Variants in TRAPPC3L observed in about 807,000 individuals in gnomAD.
TRAPPC3L encodes trafficking protein particle complex subunit 3-like protein.
Under a neutral mutation model 23.7 loss-of-function variants are expected in TRAPPC3L, and 23 were observed. The ratio of observed to expected loss-of-function variants is 0.97; its 90% confidence interval spans 0.70 to 1.37. The LOEUF is 1.37. TRAPPC3L is among the 40% of genes most tolerant of loss of function. The pLI is 0.00. For synonymous variants in TRAPPC3L, 81 were observed against 77.9 expected, an observed-to-expected ratio of 1.04 and a Z score of -0.21; for missense variants, 212 against 216.8, an observed-to-expected ratio of 0.98 and a Z score of 0.14.
chr6:116,519,148 T>C (rs1772284799), intron 3 of TRAPPC3L: 1 of 152,184 alleles, frequency 6.6e-6, no homozygotes. Flanking sequence ...GGACCATTAG[T>C]TGTCTTTGGA....
chr6:116,504,879 G>C (rs1398520760), intron 3 of TRAPPC3L, among the ~76,000 whole-genome samples: 1 of 152,056 alleles, frequency 6.6e-6, no homozygotes, highest in Non-Finnish European at 1.5e-5. Context: ...AAAATAATAA[G>C]AGCTATTTAG....
intron 3 of TRAPPC3L, chr6:116,524,892 T>TA (rs1332606816): frequency 6.6e-6 from 1 of 152,200 alleles, no homozygotes; most frequent in African/African-American, 2.4e-5. Flanking sequence ...TAATTTAATT[T>TA]AAAAAACTAA....
rs141781974 is a variant in TRAPPC3L, at chr6:116,515,628, C to T, written c.241-14962G>A. ...CTAGGATGGTGCCTGATTTGTTCAG[C>T]GTCTTTCTTCTCTCTGCTCACCACA... On this transcript the variant is annotated intron_variant, in intron 3 of 4. Transcript: ENST00000368602. 59 of 1,612,908 alleles carry T rather than the reference C, an allele frequency of 3.7e-5. No individual in the cohort carries two copies. In the South Asian group the frequency reaches 4.0e-4, roughly 11 times the overall value.
intron 1 of TRAPPC3L, chr6:116,543,798 G>T: frequency 6.5e-7 from 1 of 1,532,654 alleles, no homozygotes; most frequent in Non-Finnish European, 8.7e-7. Flanking sequence ...CTTCTCAGGC[G>T]TCTGCACAAT....
At chr6:116,536,023 A>G (rs1167059927) in intron 3 of TRAPPC3L, among the ~76,000 whole-genome samples, 1 of 152,228 alleles carries the variant, frequency 6.6e-6, no homozygotes. Context: ...ACTTTTATAA[A>G]GAAAATATCA....
At chr6:116,501,273 T>C (rs916498290) in intron 3 of TRAPPC3L, among the ~76,000 whole-genome samples, 2 of 152,176 alleles carry the variant, frequency 1.3e-5, no homozygotes, top group African/African-American at 2.4e-5. Flanking sequence ...CGACCTGAGA[T>C]GCTGAAGCTT....
chr6:116,523,391 A>G (rs1772380644), intron 3 of TRAPPC3L: 1 of 151,992 alleles, frequency 6.6e-6, no homozygotes, highest in Non-Finnish European at 1.5e-5. Flanking sequence ...TCTTTTTTCC[A>G]CTATATCTTT....
At chr6:116,529,427 A>G (rs910548955) in intron 3 of TRAPPC3L, among the ~76,000 whole-genome samples, 8 of 152,240 alleles carry the variant, frequency 5.3e-5, no homozygotes, top group African/African-American at 1.9e-4. Flanking sequence ...TGGAAGGGAA[A>G]TATGGGGTAG....
At chr6:116,503,459 A>C (rs1771952830) in intron 3 of TRAPPC3L, among the ~76,000 whole-genome samples, 2 of 152,226 alleles carry the variant, frequency 1.3e-5, no homozygotes, top group South Asian at 2.1e-4. Context: ...AATATTAGAC[A>C]GATCAACGAG....
chr6:116,499,927 A>T (rs924381032), intron 4 of TRAPPC3L, among the ~76,000 whole-genome samples: 3 of 152,228 alleles, frequency 2.0e-5, no homozygotes, highest in Non-Finnish European at 4.4e-5. Flanking sequence ...GATACTAATA[A>T]CTGTTTCAGT....
intron 3 of TRAPPC3L, among the ~76,000 whole-genome samples, chr6:116,501,287 G>C (rs1311457955): frequency 6.6e-6 from 1 of 152,186 alleles, no homozygotes; most frequent in South Asian, 2.1e-4. Flanking sequence ...GAAGCTTGGC[G>C]GGGGGAGGGG....
chr6:116,505,553 A>G (rs566974856), intron 3 of TRAPPC3L, among the ~76,000 whole-genome samples: 12 of 152,356 alleles, frequency 7.9e-5, no homozygotes, highest in African/African-American at 2.6e-4. Flanking sequence ...AAGAGCCCGC[A>G]TTGCCAAGAC....
At chr6:116,517,953 A>G (rs1266850124) in intron 3 of TRAPPC3L, 2 of 152,252 alleles carry the variant, frequency 1.3e-5, no homozygotes, top group Non-Finnish European at 2.9e-5. Flanking sequence ...GCATTGCTCA[A>G]TACATGAGGA....
chr6:116,515,205 G>A (rs1772199111), intron 3 of TRAPPC3L, among the ~76,000 whole-genome samples: 1 of 152,136 alleles, frequency 6.6e-6, no homozygotes, highest in African/African-American at 2.4e-5. Context: ...GCCTAAAAAT[G>A]CCTGGCTGAA....
At chr6:116,530,807 G>C (rs532217803) in intron 3 of TRAPPC3L, among the ~76,000 whole-genome samples, 9 of 149,986 alleles carry the variant, frequency 6.0e-5, no homozygotes, top group Admixed American at 6.0e-4. Flanking sequence ...CACTAGTTAC[G>C]TGCCCCAAAT....
intron 3 of TRAPPC3L, among the ~76,000 whole-genome samples, chr6:116,526,964 A>G (rs1244178306): frequency 6.6e-6 from 1 of 152,142 alleles, no homozygotes; most frequent in African/African-American, 2.4e-5. Context: ...CAGTCACAAG[A>G]TTGCTCTGAC....
At position 116,529,522 on chromosome 6, in the gene TRAPPC3L, G is replaced by A. The variant is rs573968680; in HGVS notation, c.240+10841C>T. Among the ~76,000 whole-genome samples the A allele has an allele frequency of 6.6e-5, 10 of 152,282 alleles. No individual in the cohort carries two copies. The East Asian group carries it at 1.2e-3, about 18-fold the overall frequency. ...TGGTAGACAGAGCACTGTGCTGCTC[G>A]AGGTAAAGTAGATTGGAGCTGAGTG... On this transcript the variant is annotated intron_variant, in intron 3 of 4. Coordinates refer to ENST00000368602, the MANE Select transcript of TRAPPC3L (RefSeq NM_001139444.3).
intron 2 of TRAPPC3L, among the ~76,000 whole-genome samples, chr6:116,542,353 A>G (rs12204281): frequency 0.56 from 84,378 of 151,982 alleles, 25,062 homozygotes; most frequent in East Asian, 0.89. Flanking sequence ...AGAAAAAAAT[A>G]TGCATACAGA....
At chr6:116,507,559 C>T (rs535895851) in intron 3 of TRAPPC3L, among the ~76,000 whole-genome samples, 133 of 152,092 alleles carry the variant, frequency 8.7e-4, no homozygotes, top group Non-Finnish European at 1.4e-3. Flanking sequence ...ACTGTTTATG[C>T]TATGACCTGC....
Sources: allele counts gnomAD v4.1 joint callset (sites outside exome capture counted in the v4.1 genomes callset), GRCh38; gene constraint gnomAD v4.1.1; transcripts MANE v1.5; gene names NCBI Gene and HGNC (gene_info 2026-07-23, HGNC 2026-07-21).